The following NMBR variants were observed in gnomAD, a reference collection of about 807,000 sequenced individuals.
NMBR encodes neuromedin B receptor, also known as neuromedin-B receptor.
NMBR carries 16 observed loss-of-function variants against 20.5 expected under a neutral mutation model. The ratio of observed to expected loss-of-function variants is 0.78; its 90% CI spans 0.53 to 1.19. The LOEUF is 1.19. Among genes scored for constraint, NMBR ranks in the 50% most tolerant of loss-of-function variants. The pLI, the probability that NMBR is intolerant of heterozygous loss-of-function variation, is 0.00. For synonymous variants in NMBR, 212 were observed against 196.6 expected (o/e 1.08, Z -0.65); for missense variants, 582 against 499.1 (o/e 1.17, Z -1.58).
chr6:142,078,730 A>G lies in NMBR; in HGVS notation c.596T>C (p.Ile199Thr). Residue 199 changes from isoleucine (I) to threonine (T), a missense_variant, in exon 3 of 4, where the codon ATC becomes ACC. Coordinates refer to ENST00000258042, the MANE Select transcript of NMBR (RefSeq NM_002511.4). The stretch of plus-strand genomic sequence containing the variant: ...TAATTCATCTGTTTGAGGGTATGGG[A>G]TACATGCTGTGAAGCTGCTATTATC... ...SLDNSSFTACIPYPQTDELHP... is the reference protein window; with the variant it reads ...SLDNSSFTACTPYPQTDELHP... 1 of 1,614,100 alleles carries G rather than the reference A, an allele frequency of 6.2e-7. No homozygotes were observed. The highest frequency in any genetic ancestry group is 8.5e-7 in the Non-Finnish European group (1 of 1,180,028).
chr6:142,077,960 G>A lies in NMBR; in HGVS notation c.771+595C>T, dbSNP rs79424759. 5.8e-4 allele frequency among the ~76,000 whole-genome samples: 89 copies of A among 152,298 alleles called. 3 individuals carry two copies. In the East Asian group the frequency reaches 0.017, roughly 29 times the overall value. ...AAGGTGCATGATGTAATTTTTAAAT[G>A]AGCGTATTATCTTTGTAGGGAAAGT... On this transcript the variant is annotated intron_variant, in intron 3 of 3. Transcript: ENST00000258042.
At chr6:142,085,176 A>G (rs1412592770) in intron 2 of NMBR, among the ~76,000 whole-genome samples, 1 of 152,150 alleles carries the variant, frequency 6.6e-6, no homozygotes, top group East Asian at 1.9e-4. Context: ...GCTGTTGCCT[A>G]GGGATGTGTC....
intron 1 of NMBR, among the ~76,000 whole-genome samples, chr6:142,136,639 TA>T (rs2114611817): frequency 6.6e-6 from 1 of 152,366 alleles, no homozygotes; most frequent in South Asian, 2.1e-4. Flanking sequence ...GTCTAACATT[TA>T]AGTCTTTAAA....
At chr6:142,135,239 G>A (rs184580570) in intron 1 of NMBR, 354 of 159,774 alleles carry the variant, frequency 2.2e-3, no homozygotes, top group Admixed American at 5.0e-3. Flanking sequence ...CTTTTTTTAC[G>A]AAGTGGAAAA....
chr6:142,115,330 T>C (rs935792974), intron 1 of NMBR, among the ~76,000 whole-genome samples: 18 of 152,014 alleles, frequency 1.2e-4, no homozygotes, highest in Non-Finnish European at 2.4e-4. Flanking sequence ...TTTTAGAACA[T>C]GCAAAGGATC....
At chr6:142,132,491 G>T in intron 1 of NMBR, among the ~76,000 whole-genome samples, 1 of 152,108 alleles carries the variant, frequency 6.6e-6, no homozygotes, top group East Asian at 1.9e-4. Flanking sequence ...TTAGCCCAGA[G>T]ATCTAATTAC....
intron 1 of NMBR, among the ~76,000 whole-genome samples, chr6:142,129,046 T>A (rs539063753): frequency 6.6e-6 from 1 of 151,022 alleles, no homozygotes; most frequent in Admixed American, 6.6e-5. Context: ...TCATCATGCA[T>A]AATGCTTTAA....
chr6:142,119,282 C>T (rs773396436), intron 1 of NMBR, among the ~76,000 whole-genome samples: 1 of 151,996 alleles, frequency 6.6e-6, no homozygotes, highest in Non-Finnish European at 1.5e-5. Flanking sequence ...AGGATCAGAG[C>T]ATTCACCACA....
At chr6:142,116,119 A>G (rs550115432) in intron 1 of NMBR, among the ~76,000 whole-genome samples, 49 of 152,002 alleles carry the variant, frequency 3.2e-4, no homozygotes, top group Non-Finnish European at 6.9e-4. Flanking sequence ...GTCTTCCACC[A>G]TGATTGTGAG....
chr6:142,099,925 C>T (rs540283451), intron 1 of NMBR, among the ~76,000 whole-genome samples: 2 of 152,204 alleles, frequency 1.3e-5, no homozygotes, highest in East Asian at 3.9e-4. Flanking sequence ...AGACATCTCA[C>T]CAAAGAAGAT....
At chr6:142,086,786 T>C (rs879266166) in intron 2 of NMBR, among the ~76,000 whole-genome samples, 3 of 152,156 alleles carry the variant, frequency 2.0e-5, no homozygotes, top group Non-Finnish European at 4.4e-5. Flanking sequence ...TGACAATAGA[T>C]TGTAAAAACT....
chr6:142,145,214 G>A (rs1243066537), intron 1 of NMBR, among the ~76,000 whole-genome samples: 1 of 152,056 alleles, frequency 6.6e-6, no homozygotes, highest in Non-Finnish European at 1.5e-5. Flanking sequence ...GAGAAAGAGT[G>A]GCAAAATTCA....
chr6:142,115,153 A>C (rs1450331963), intron 1 of NMBR, among the ~76,000 whole-genome samples: 1 of 152,096 alleles, frequency 6.6e-6, no homozygotes, highest in Non-Finnish European at 1.5e-5. Context: ...AAGTGACCTC[A>C]TATTAGCCTG....
At chr6:142,097,179 G>A (rs998252283) in intron 1 of NMBR, among the ~76,000 whole-genome samples, 2 of 152,020 alleles carry the variant, frequency 1.3e-5, no homozygotes, top group Admixed American at 6.6e-5. Flanking sequence ...TACATTTAAA[G>A]TTAATATTGT....
chr6:142,138,289 T>C (rs1778298999), intron 1 of NMBR, among the ~76,000 whole-genome samples: 1 of 152,196 alleles, frequency 6.6e-6, no homozygotes, highest in Non-Finnish European at 1.5e-5. Flanking sequence ...CTGTGTTTGA[T>C]ATCATGAATT....
In NMBR at chr6:142,089,170, A is replaced by G. The variant is rs1777271917; in HGVS notation, c.-512T>C. On this transcript the variant is annotated 5_prime_UTR_variant, in exon 2 of 4. Coordinates refer to ENST00000258042, the MANE Select transcript of NMBR (RefSeq NM_002511.4). Reference sequence around the variant, plus strand: ...CTCTTGTTTGTGAAGTTCCTGTTGTATTGTGTGGAACTGGAGGGGAGGTCA... The same window carrying G: ...CTCTTGTTTGTGAAGTTCCTGTTGTGTTGTGTGGAACTGGAGGGGAGGTCA... The G allele has an allele frequency of 6.1e-6, 1 of 162,904 alleles. No homozygotes were observed. The highest frequency in any genetic ancestry group is 2.4e-5 in the African/African-American group (1 of 41,468). 10.1% of individuals were successfully genotyped at this position (162,904 alleles called of 1,614,324 possible).
At chr6:142,119,039 T>C (rs779936977) in intron 1 of NMBR, among the ~76,000 whole-genome samples, 5 of 152,052 alleles carry the variant, frequency 3.3e-5, no homozygotes, top group Non-Finnish European at 7.4e-5. Flanking sequence ...TCTTAGGCAA[T>C]GCCAAGGGCA....
intron 1 of NMBR, among the ~76,000 whole-genome samples, chr6:142,100,079 T>C (rs969832130): frequency 1.3e-5 from 2 of 152,216 alleles, no homozygotes; most frequent in African/African-American, 4.8e-5. Flanking sequence ...CTTTAAATGC[T>C]GAGCAGGATG....
At chr6:142,111,708 G>A (rs545526266) in intron 1 of NMBR, among the ~76,000 whole-genome samples, 1 of 152,124 alleles carries the variant, frequency 6.6e-6, no homozygotes, top group African/African-American at 2.4e-5. Flanking sequence ...CTTAGGCTAC[G>A]AGAAATGTCA....
Sources: gnomAD v4.1 joint callset for allele counts (sites outside exome capture counted in the v4.1 genomes callset) on GRCh38, gnomAD v4.1.1 for gene constraint, MANE v1.5 for transcripts, NCBI Gene and HGNC (gene_info 2026-07-23, HGNC 2026-07-21) for gene names.